Variants in RAB38 observed in about 807,000 individuals in gnomAD.
The protein encoded by RAB38 is RAB38, member RAS oncogene family, also known as ras-related protein Rab-38.
Under a neutral mutation model 18.4 loss-of-function variants are expected in RAB38, and 15 were observed. The ratio of observed to expected loss-of-function variants is 0.82; its 90% CI spans 0.55 to 1.26. The LOEUF (loss-of-function observed/expected upper bound fraction) is 1.26, where lower values mean the gene tolerates loss of function less well. RAB38 is among the 50% of genes most tolerant of loss of function. The pLI is 0.00. For synonymous variants in RAB38, 101 were observed against 104.4 expected, an observed-to-expected ratio of 0.97 and a Z score of 0.20; for missense variants, 294 against 267.4, an observed-to-expected ratio of 1.10 and a Z score of -0.69.
the RAB38 span, among the ~76,000 whole-genome samples, chr11:87,941,590 C>T: frequency 6.6e-6 from 1 of 151,904 alleles, no homozygotes; most frequent in Non-Finnish European, 1.5e-5. Context: ...CACTGAGCAT[C>T]CAGAAAATAC....
the RAB38 span, among the ~76,000 whole-genome samples, chr11:88,075,155 A>G: frequency 6.6e-5 from 10 of 152,334 alleles, no homozygotes; most frequent in African/African-American, 1.9e-4. Flanking sequence ...CAGGACATCA[A>G]CGAAGAAACA....
At chr11:88,041,679 A>C in the RAB38 span, among the ~76,000 whole-genome samples, 1 of 152,208 alleles carries the variant, frequency 6.6e-6, no homozygotes, top group Non-Finnish European at 1.5e-5. Context: ...AAAAATTTTA[A>C]TTACTTACTA....
the RAB38 span, among the ~76,000 whole-genome samples, chr11:88,038,549 G>A: frequency 6.6e-6 from 1 of 152,070 alleles, no homozygotes; most frequent in Admixed American, 6.5e-5. Flanking sequence ...CTCACACTTA[G>A]TAGGTACTAA....
chr11:87,955,652 C>A, the RAB38 span, among the ~76,000 whole-genome samples: 4 of 151,928 alleles, frequency 2.6e-5, no homozygotes, highest in Non-Finnish European at 5.9e-5. Context: ...ACATTTAGCT[C>A]TTATATCTAT....
chr11:87,921,912 G>A, the RAB38 span, among the ~76,000 whole-genome samples: 8 of 151,908 alleles, frequency 5.3e-5, no homozygotes, highest in African/African-American at 1.2e-4. Flanking sequence ...TGAAACACAT[G>A]AGCATAGGAC....
chr11:88,168,060 GAGTGATGGCTTT>G (rs1185366418), intron 1 of RAB38, among the ~76,000 whole-genome samples: 2 of 152,158 alleles, frequency 1.3e-5, no homozygotes, highest in African/African-American at 4.8e-5. Context: ...TTCACCAGAT[GAGTGATGGCTTT>G]AGTATGAACC....
At chr11:87,926,456 A>G in the RAB38 span, among the ~76,000 whole-genome samples, 2 of 152,074 alleles carry the variant, frequency 1.3e-5, no homozygotes, top group African/African-American at 4.8e-5. Context: ...AAATGAGAAC[A>G]CTGAATCACT....
chr11:87,966,842 C>T, the RAB38 span, among the ~76,000 whole-genome samples: 1 of 152,152 alleles, frequency 6.6e-6, no homozygotes, highest in Non-Finnish European at 1.5e-5. Flanking sequence ...TGGGTGTGAG[C>T]CAGTGCTGTG....
the RAB38 span, among the ~76,000 whole-genome samples, chr11:87,916,306 G>A: frequency 6.6e-6 from 1 of 152,036 alleles, no homozygotes; most frequent in South Asian, 2.1e-4. Flanking sequence ...AAGGTGTTGA[G>A]AGGTGGGGCC....
At chr11:87,829,357 A>G in the RAB38 span, among the ~76,000 whole-genome samples, 2 of 152,178 alleles carry the variant, frequency 1.3e-5, no homozygotes, top group South Asian at 4.1e-4. Flanking sequence ...CTAGAAAGAC[A>G]TTTCTAGCTA....
At chr11:88,103,361 TCTGA>T in the RAB38 span, among the ~76,000 whole-genome samples, 1 of 152,076 alleles carries the variant, frequency 6.6e-6, no homozygotes, top group African/African-American at 2.4e-5. Context: ...AGTAGAGTCT[TCTGA>T]CTATGTTCTG....
chr11:88,005,509 C>T, the RAB38 span, among the ~76,000 whole-genome samples: 1 of 151,236 alleles, frequency 6.6e-6, no homozygotes, highest in South Asian at 2.1e-4. Context: ...AAAATTACAT[C>T]ATAATTTGTG....
the RAB38 span, among the ~76,000 whole-genome samples, chr11:87,977,385 A>G: frequency 2.3e-5 from 1 of 43,340 alleles, no homozygotes; most frequent in Non-Finnish European, 4.3e-5. Context: ...ATTATAAAAT[A>G]TAATTATATA....
At chr11:88,010,379 C>T in the RAB38 span, among the ~76,000 whole-genome samples, 1 of 152,134 alleles carries the variant, frequency 6.6e-6, no homozygotes, top group East Asian at 1.9e-4. Flanking sequence ...AAGAGAAGTT[C>T]AAGGTGATGT....
the RAB38 span, among the ~76,000 whole-genome samples, chr11:87,850,336 A>C: frequency 6.6e-6 from 1 of 152,116 alleles, no homozygotes; most frequent in African/African-American, 2.4e-5. Context: ...TGTACACTTC[A>C]TAACCTTAGA....
At chr11:87,956,726 T>C in the RAB38 span, among the ~76,000 whole-genome samples, 1 of 152,058 alleles carries the variant, frequency 6.6e-6, no homozygotes, top group Admixed American at 6.6e-5. Context: ...AGCATAGTTA[T>C]AAAACATTTT....
the RAB38 span, among the ~76,000 whole-genome samples, chr11:87,899,371 T>C: frequency 1.3e-5 from 2 of 151,648 alleles, no homozygotes; most frequent in African/African-American, 4.8e-5. Context: ...ATTAGCTAAG[T>C]GATTTTGGCA....
chr11:88,136,277 C>T (rs1474922911), intron 2 of RAB38, among the ~76,000 whole-genome samples: 3 of 152,064 alleles, frequency 2.0e-5, no homozygotes, highest in Non-Finnish European at 2.9e-5. Flanking sequence ...CTCAAGAAAT[C>T]AATACCTCGG....
At chr11:87,976,088 T>A in the RAB38 span, among the ~76,000 whole-genome samples, 10 of 150,174 alleles carry the variant, frequency 6.7e-5, no homozygotes, top group Non-Finnish European at 1.5e-5. Context: ...CTCAAAAAAG[T>A]CTGGTATATG....
Sources: allele counts gnomAD v4.1 joint callset (sites outside exome capture counted in the v4.1 genomes callset), GRCh38; gene constraint gnomAD v4.1.1; transcripts MANE v1.5; gene names NCBI Gene and HGNC (gene_info 2026-07-23, HGNC 2026-07-21).